Variants in ILDR1 observed in about 807,000 individuals in gnomAD.
The protein encoded by ILDR1 is immunoglobulin like domain containing receptor 1.
ILDR1 carries 56 observed loss-of-function variants against 62.4 expected under a neutral mutation model. The ratio of observed to expected loss-of-function variants is 0.90; its 90% CI spans 0.72 to 1.12. The LOEUF is 1.12. ILDR1 is among the 50% of genes most tolerant of loss of function. The probability of loss-of-function intolerance (pLI) is 0.00; values close to 1 mark genes in which losing one functional copy is unlikely to be tolerated. For missense variants in ILDR1, 736 were observed against 710.6 expected, an observed-to-expected ratio of 1.04 and a Z score of -0.41; for synonymous variants, 284 against 277.8, an observed-to-expected ratio of 1.02 and a Z score of -0.22.
Position 121,988,200 on chromosome 3 carries a change from C to G in ILDR1, c.*167G>C. The G allele has an allele frequency of 1.4e-6, 1 of 693,060 alleles. No individual in the cohort carries two copies. Among genetic ancestry groups the G allele is most frequent in the Non-Finnish European group, 2.7e-6 (1 of 376,096 alleles). The allele number at this position is 693,060 out of a possible 1,614,324, so 42.9% of individuals were successfully genotyped here. ...TGATTACAGGTGTGAGCCACTATAC[C>G]CAATCTCAAACTCTTGTATTTAAAA... On this transcript the variant is annotated 3_prime_UTR_variant, in exon 8 of 8. Coordinates refer to ENST00000344209, the MANE Select transcript of ILDR1 (RefSeq NM_001199799.2).
At chr3:122,047,571 G>A in the ILDR1 span, among the ~76,000 whole-genome samples, 5 of 152,288 alleles carry the variant, frequency 3.3e-5, no homozygotes, top group East Asian at 7.7e-4. Flanking sequence ...GCGAGATTCC[G>A]TGGGCGTAGG....
the ILDR1 span, among the ~76,000 whole-genome samples, chr3:122,060,778 C>G: frequency 6.6e-6 from 1 of 152,100 alleles, no homozygotes; most frequent in African/African-American, 2.4e-5. Flanking sequence ...ACATAACATA[C>G]AGATTCTATT....
At chr3:122,016,097 C>T (rs962211681) in intron 1 of ILDR1, among the ~76,000 whole-genome samples, 2 of 152,248 alleles carry the variant, frequency 1.3e-5, no homozygotes, top group South Asian at 2.1e-4. Context: ...CTTCCTGTGG[C>T]TTCCTTCACT....
chr3:122,052,582 T>C, the ILDR1 span, among the ~76,000 whole-genome samples: 2 of 152,266 alleles, frequency 1.3e-5, no homozygotes, highest in South Asian at 4.2e-4. Context: ...TTTGTTGTTG[T>C]TGTTGTTTTG....
the ILDR1 span, among the ~76,000 whole-genome samples, chr3:122,042,894 T>G: frequency 1.3e-5 from 2 of 152,058 alleles, no homozygotes; most frequent in African/African-American, 4.8e-5. Context: ...TATTTTCTTT[T>G]GCTGTGCAGA....
chr3:122,001,258 G>C (rs79120893), intron 5 of ILDR1, 50 bp downstream of exon 5: 1 of 1,607,090 alleles, frequency 6.2e-7, no homozygotes. Context: ...TCTGCTTGAC[G>C]TCCTGGTCCC....
In ILDR1 at chr3:122,022,040, A is replaced by C; in HGVS notation, c.38T>G (p.Leu13Arg). 6.2e-7 allele frequency: 1 copy of C among 1,611,750 alleles called. No homozygotes were observed. The highest frequency in any genetic ancestry group is 8.5e-7 in the Non-Finnish European group (1 of 1,179,064). Reference protein sequence around the residue: ...WPKLPAPWLLLCTWLPAGCLS... With the variant: ...WPKLPAPWLLRCTWLPAGCLS... Reference sequence around the variant, plus strand: ...CTCACCTGCTGGGAGCCAGGTGCAGAGCAGCAGCCAAGGTGCGGGCAGTTT... The same window carrying C: ...CTCACCTGCTGGGAGCCAGGTGCAGCGCAGCAGCCAAGGTGCGGGCAGTTT... The change falls in exon 1 of 8, where the codon CTC (leucine) becomes CGC (arginine). Residue 13 changes from leucine (L) to arginine (R), a missense_variant. Coordinates refer to ENST00000344209, the MANE Select transcript of ILDR1 (RefSeq NM_001199799.2).
chr3:122,039,669 G>A, the ILDR1 span, among the ~76,000 whole-genome samples: 9 of 152,130 alleles, frequency 5.9e-5, no homozygotes, highest in East Asian at 1.3e-3. Flanking sequence ...GAAATATGAT[G>A]TATAATATGG....
At chr3:122,017,142 G>A (rs141362141) in intron 1 of ILDR1, among the ~76,000 whole-genome samples, 25 of 152,160 alleles carry the variant, frequency 1.6e-4, no homozygotes, top group African/African-American at 5.3e-4. Flanking sequence ...CCGCCCCACC[G>A]GGTTCAATTG....
chr3:122,057,060 A>G, the ILDR1 span, among the ~76,000 whole-genome samples: 30 of 152,346 alleles, frequency 2.0e-4, no homozygotes, highest in South Asian at 8.3e-4. Context: ...TTTTTTCTCT[A>G]TCAAAGAGAT....
chr3:122,016,052 G>T (rs886727907), intron 1 of ILDR1, among the ~76,000 whole-genome samples: 1 of 152,120 alleles, frequency 6.6e-6, no homozygotes, highest in Non-Finnish European at 1.5e-5. Context: ...TGCACATCTG[G>T]TCCTACCCAC....
At chr3:122,060,333 G>A in the ILDR1 span, among the ~76,000 whole-genome samples, 1 of 152,276 alleles carries the variant, frequency 6.6e-6, no homozygotes, top group Non-Finnish European at 1.5e-5. Flanking sequence ...GTAGACTTTG[G>A]AGAGCTTGGA....
At chr3:122,057,581 G>A in the ILDR1 span, among the ~76,000 whole-genome samples, 1 of 152,054 alleles carries the variant, frequency 6.6e-6, no homozygotes, top group Non-Finnish European at 1.5e-5. Context: ...AATCCCATCT[G>A]TAGGCAGAAA....
At chr3:122,037,125 G>A in the ILDR1 span, among the ~76,000 whole-genome samples, 222 of 152,354 alleles carry the variant, frequency 1.5e-3, 3 homozygotes, top group East Asian at 0.034. Flanking sequence ...CCCTCATGGA[G>A]AATCTTTATT....
At chr3:122,054,298 A>G in the ILDR1 span, among the ~76,000 whole-genome samples, 98 of 152,250 alleles carry the variant, frequency 6.4e-4, 1 homozygote, top group South Asian at 8.3e-4. Flanking sequence ...GTTTTCAGCC[A>G]TGGCTTCTCC....
At chr3:122,008,554 C>A (rs1179088234) in intron 1 of ILDR1, among the ~76,000 whole-genome samples, 1 of 151,120 alleles carries the variant, frequency 6.6e-6, no homozygotes, top group African/African-American at 2.4e-5. Context: ...CCCAGAGACA[C>A]GCATTTTTTA....
rs1171733834 is a variant in ILDR1 at position 122,001,582 on chromosome 3, G to C, written c.500-128C>G. On this transcript the variant is annotated intron_variant, in intron 4 of 7. Coordinates refer to ENST00000344209, the MANE Select transcript of ILDR1 (RefSeq NM_001199799.2). ...ACAGGTTAAAGTTGAGCAATATACT[G>C]GCAAAAAGGTAAAAGTTTAGCTTTG... 8 of 1,466,648 alleles carry C rather than the reference G, an allele frequency of 5.5e-6. No homozygotes were observed. In the Admixed American group the frequency reaches 6.8e-5, roughly 12 times the overall value. 90.9% of individuals were successfully genotyped at this position (1,466,648 alleles called of 1,614,324 possible).
upstream of ILDR1, among the ~76,000 whole-genome samples, chr3:122,022,859 GC>G (rs2071882755): frequency 1.3e-5 from 2 of 152,058 alleles, no homozygotes; most frequent in African/African-American, 4.8e-5. Context: ...GTTGAAGTGA[GC>G]GGAGATGGCG....
intron 1 of ILDR1, among the ~76,000 whole-genome samples, chr3:122,019,109 G>A (rs1272660647): frequency 2.0e-5 from 3 of 152,106 alleles, no homozygotes; most frequent in African/African-American, 7.2e-5. Flanking sequence ...TAGAGTTTGG[G>A]GGATCGGCAG....
Sources: allele counts gnomAD v4.1 joint callset (sites outside exome capture counted in the v4.1 genomes callset), GRCh38; gene constraint gnomAD v4.1.1; transcripts MANE v1.5; gene names NCBI Gene and HGNC (gene_info 2026-07-23, HGNC 2026-07-21).